The following UNC5D variants were observed in gnomAD, a reference collection of about 807,000 sequenced individuals.
The protein encoded by UNC5D is unc-5 netrin receptor D.
In UNC5D, 39 loss-of-function variants were observed where a neutral mutation model predicts 105.4. That is an observed-to-expected ratio of 0.37 (90% CI 0.29 to 0.48). UNC5D has a LOEUF of 0.48. UNC5D is among the 20% of genes least tolerant of loss of function. The pLI is 0.98. For synonymous variants in UNC5D, 452 were observed against 450.4 expected (o/e 1.00, Z -0.04); for missense variants, 991 against 1,202.4 (o/e 0.82, Z 2.60).
chr8:35,612,707 C>T (rs1820763390), intron 4 of UNC5D, among the ~76,000 whole-genome samples: 1 of 135,774 alleles, frequency 7.4e-6, no homozygotes, highest in Non-Finnish European at 1.5e-5. Context: ...GTATTAGAAA[C>T]TGCTAAATGT....
intron 1 of UNC5D, among the ~76,000 whole-genome samples, chr8:35,260,138 C>T (rs1804378397): frequency 6.6e-6 from 1 of 152,112 alleles, no homozygotes; most frequent in Admixed American, 6.5e-5. Context: ...ATTTTGCCTT[C>T]AGAGTGACAG....
intron 4 of UNC5D, among the ~76,000 whole-genome samples, chr8:35,646,949 A>G (rs1823091796): frequency 6.6e-6 from 1 of 152,116 alleles, no homozygotes; most frequent in Admixed American, 6.6e-5. Flanking sequence ...GTATTCACCA[A>G]GCCTTACCAC....
intron 1 of UNC5D, among the ~76,000 whole-genome samples, chr8:35,473,225 G>A (rs962650272): frequency 2.6e-5 from 4 of 152,148 alleles, no homozygotes; most frequent in African/African-American, 9.7e-5. Flanking sequence ...AGTCATCTGG[G>A]GATGTCCCAG....
At chr8:35,669,136 G>GAGTA (rs1441246778) in intron 4 of UNC5D, among the ~76,000 whole-genome samples, 1 of 152,102 alleles carries the variant, frequency 6.6e-6, no homozygotes, top group Non-Finnish European at 1.5e-5. Context: ...AAAAGTAGTT[G>GAGTA]AGTAAGTCTG....
intron 3 of UNC5D, among the ~76,000 whole-genome samples, chr8:35,577,523 A>T (rs990205567): frequency 6.6e-6 from 1 of 151,776 alleles, no homozygotes; most frequent in Non-Finnish European, 1.5e-5. Context: ...AGCAAAGATT[A>T]TAGCTCATGA....
chr8:35,609,418 T>C (rs1486071253), intron 4 of UNC5D, among the ~76,000 whole-genome samples: 1 of 152,340 alleles, frequency 6.6e-6, no homozygotes, highest in South Asian at 2.1e-4. Flanking sequence ...AAGTCATTGC[T>C]ATCAGCATCT....
At position 35,726,344 on chromosome 8, in the gene UNC5D, C is replaced by T. The variant is rs762892028; in HGVS notation, c.1496C>T (p.Ala499Val). ...FMVSLGVSER[A>V]EYHGKNHSRT... ...GTTTCCCTGGGAGTGTCTGAGAGAGCTGAGTACCACGGCAAGAATCATTCC... is the reference window on the plus strand; with the variant it reads ...GTTTCCCTGGGAGTGTCTGAGAGAGTTGAGTACCACGGCAAGAATCATTCC... The change falls in exon 10 of 17, where the codon GCT becomes GTT. Residue 499 changes from alanine (A) to valine (V), a missense_variant. Physicochemically the swap from Ala to Val is moderately conservative, Grantham distance 64. Coordinates refer to ENST00000404895, the MANE Select transcript of UNC5D (RefSeq NM_080872.4). 1 of 1,614,108 alleles carries T rather than the reference C, an allele frequency of 6.2e-7. No homozygotes were observed. The highest frequency in any genetic ancestry group is 2.2e-5 in the East Asian group (1 of 44,862).
chr8:35,251,825 T>C (rs1803716694), intron 1 of UNC5D, among the ~76,000 whole-genome samples: 2 of 152,104 alleles, frequency 1.3e-5, no homozygotes, highest in African/African-American at 4.8e-5. Flanking sequence ...TATCTTAGTG[T>C]CTGAAGGATG....
Position 35,750,569 on chromosome 8 carries a change from C to A in UNC5D, c.1936-13C>A, listed in dbSNP as rs775948026. On this transcript the variant is annotated splice_polypyrimidine_tract_variant and intron_variant, in intron 12 of 16. Coordinates refer to ENST00000404895, the MANE Select transcript of UNC5D (RefSeq NM_080872.4). ...ATTTCCAAGTGAGAGAATAAACATACCTTTCCCAACAGGAAGTGATGTCAG... is the reference window on the plus strand; with the variant it reads ...ATTTCCAAGTGAGAGAATAAACATAACTTTCCCAACAGGAAGTGATGTCAG... 1 of 1,612,588 alleles carries A rather than the reference C, an allele frequency of 6.2e-7. No homozygotes were observed. The highest frequency in any genetic ancestry group is 1.3e-5 in the African/African-American group (1 of 74,756).
rs16883853 is a variant in UNC5D, at chr8:35,351,703, G to A, written c.103+115816G>A. On this transcript the variant is annotated intron_variant, in intron 1 of 16. Coordinates refer to ENST00000404895, the MANE Select transcript of UNC5D (RefSeq NM_080872.4). ...TTCACTCTCCCTAGCCTTAGGGATCGTCATTAGGCCAACTGCCTACTATGA... is the reference window on the plus strand; with the variant it reads ...TTCACTCTCCCTAGCCTTAGGGATCATCATTAGGCCAACTGCCTACTATGA... 9.9e-3 allele frequency among the ~76,000 whole-genome samples: 1,501 copies of A among 152,212 alleles called. 24 individuals are homozygous for A. The highest frequency in any genetic ancestry group is 0.033 in the African/African-American group (1,389 of 41,550).
chr8:35,738,547 T>C (rs1221574151), intron 11 of UNC5D, among the ~76,000 whole-genome samples: 1 of 152,238 alleles, frequency 6.6e-6, no homozygotes, highest in Non-Finnish European at 1.5e-5. Flanking sequence ...AATTCAATTA[T>C]AGCAAACATA....
At chr8:35,714,004 T>C (rs1337890735) in intron 8 of UNC5D, among the ~76,000 whole-genome samples, 1 of 152,206 alleles carries the variant, frequency 6.6e-6, no homozygotes, top group Non-Finnish European at 1.5e-5. Flanking sequence ...GTGACTGTAC[T>C]AGAACAGGGT....
rs186936427 is a variant in UNC5D at position 35,449,582 on chromosome 8, C to T, written c.104-99710C>T. ...TAAGCACAACAGATTTGGTTCTTGC[C>T]GCCATGGAGCTTTTATTTTATATGC... On this transcript the variant is annotated intron_variant, in intron 1 of 16. Coordinates refer to ENST00000404895, the MANE Select transcript of UNC5D (RefSeq NM_080872.4). Among the ~76,000 whole-genome samples the T allele has an allele frequency of 2.6e-3, 392 of 152,220 alleles. 1 individual carries two copies. The highest frequency in any genetic ancestry group is 9.1e-3 in the African/African-American group (377 of 41,558).
intron 1 of UNC5D, among the ~76,000 whole-genome samples, chr8:35,336,806 T>C (rs1482673865): frequency 2.0e-5 from 3 of 151,148 alleles, no homozygotes; most frequent in Non-Finnish European, 2.9e-5. Flanking sequence ...TTTTTTTTCT[T>C]TATTTTTAGT....
chr8:35,511,375 T>C (rs79370782), intron 1 of UNC5D, among the ~76,000 whole-genome samples: 19,226 of 151,514 alleles, frequency 0.13, 1,496 homozygotes, highest in East Asian at 0.25. Context: ...GGTGTGTTTC[T>C]ATAGTCCTAG....
chr8:35,762,494 C>T (rs551740057), intron 14 of UNC5D, among the ~76,000 whole-genome samples: 1 of 152,178 alleles, frequency 6.6e-6, no homozygotes, highest in African/African-American at 2.4e-5. Context: ...CTGAGGCCCA[C>T]GATGCTAGTC....
intron 4 of UNC5D, among the ~76,000 whole-genome samples, chr8:35,672,437 A>G (rs1824872728): frequency 6.6e-6 from 1 of 152,186 alleles, no homozygotes; most frequent in African/African-American, 2.4e-5. Flanking sequence ...GAAAGGGCAC[A>G]TCACACTATG....
intron 1 of UNC5D, among the ~76,000 whole-genome samples, chr8:35,300,386 G>C (rs535472304): frequency 7.2e-6 from 1 of 138,698 alleles, no homozygotes; most frequent in Admixed American, 7.9e-5. Context: ...GGTGGAGGTT[G>C]CAGTGAGCTG....
At chr8:35,498,707 G>A (rs966344653) in intron 1 of UNC5D, among the ~76,000 whole-genome samples, 3 of 152,066 alleles carry the variant, frequency 2.0e-5, no homozygotes, top group Non-Finnish European at 4.4e-5. Flanking sequence ...TTCGTCATCA[G>A]GCATCAGCAC....
Sources: allele counts gnomAD v4.1 joint callset (sites outside exome capture counted in the v4.1 genomes callset), GRCh38; gene constraint gnomAD v4.1.1; transcripts MANE v1.5; gene names NCBI Gene and HGNC (gene_info 2026-07-23, HGNC 2026-07-21).